The following SV2C variants were observed in gnomAD, a reference collection of about 807,000 sequenced individuals.
The protein encoded by SV2C is solute carrier family 22 member B3.
Under a neutral mutation model 79.7 loss-of-function variants are expected in SV2C, and 49 were observed. That is an observed-to-expected ratio of 0.61 (90% CI 0.49 to 0.78). SV2C has a LOEUF of 0.78. Among genes scored for constraint, SV2C ranks in the 30% least tolerant of loss-of-function variants. The pLI is 0.00. For synonymous variants in SV2C, 334 were observed against 333.2 expected (o/e 1.00, Z -0.03); for missense variants, 833 against 912.9 (o/e 0.91, Z 1.13).
At chr5:75,970,673 C>T in the SV2C span, among the ~76,000 whole-genome samples, 2 of 152,092 alleles carry the variant, frequency 1.3e-5, no homozygotes, top group Non-Finnish European at 2.9e-5. Context: ...GAAATTGAGG[C>T]AATAATTAAT....
chr5:76,303,897 G>A (rs922641926), intron 12 of SV2C, among the ~76,000 whole-genome samples: 3 of 152,186 alleles, frequency 2.0e-5, no homozygotes, highest in Non-Finnish European at 4.4e-5. Context: ...GCAACTCTAA[G>A]CCTGAGCGAA....
chr5:76,181,826 A>C (rs769024718), intron 2 of SV2C, among the ~76,000 whole-genome samples: 5 of 152,220 alleles, frequency 3.3e-5, no homozygotes, highest in African/African-American at 4.8e-5. Flanking sequence ...TTCCTTCCCC[A>C]CGCAGGAACC....
intron 1 of SV2C, among the ~76,000 whole-genome samples, chr5:76,126,802 A>C (rs1456166546): frequency 6.6e-6 from 1 of 152,132 alleles, no homozygotes; most frequent in Non-Finnish European, 1.5e-5. Context: ...CATTTCCACA[A>C]AAACGTGGCA....
chr5:75,920,925 T>A, the SV2C span: 92 of 735,236 alleles, frequency 1.3e-4, no homozygotes, highest in South Asian at 1.1e-3. Context: ...GTCTCGTGGA[T>A]CCTGGCAAAG....
intron 12 of SV2C, among the ~76,000 whole-genome samples, chr5:76,340,920 C>T (rs1580089078): frequency 7.8e-6 from 1 of 128,554 alleles, no homozygotes; most frequent in Non-Finnish European, 1.7e-5. Context: ...CCTAGTTTTA[C>T]AAAATTTTTT....
the SV2C span, among the ~76,000 whole-genome samples, chr5:75,972,099 G>T: frequency 9.2e-5 from 14 of 152,096 alleles, no homozygotes; most frequent in Non-Finnish European, 2.9e-5. Flanking sequence ...TTAATAAATG[G>T]TGCTGGGAAA....
chr5:76,351,675 G>T (rs867725465), intron 12 of SV2C, among the ~76,000 whole-genome samples: 2 of 152,122 alleles, frequency 1.3e-5, no homozygotes, highest in African/African-American at 2.4e-5. Context: ...GCCTCCACTC[G>T]AGCTGCTGTT....
chr5:76,201,744 T>C (rs1381439424), intron 3 of SV2C, among the ~76,000 whole-genome samples: 1 of 152,016 alleles, frequency 6.6e-6, no homozygotes, highest in South Asian at 2.1e-4. Context: ...AGAGGCCGGG[T>C]ACGGTGGCTC....
chr5:76,161,231 T>C (rs1300038668), intron 2 of SV2C, among the ~76,000 whole-genome samples: 3 of 152,130 alleles, frequency 2.0e-5, no homozygotes, highest in Non-Finnish European at 4.4e-5. Context: ...GGATGAGCCT[T>C]GAAAATGTTA....
chr5:75,911,706 A>G, the SV2C span: 1 of 660,170 alleles, frequency 1.5e-6, no homozygotes, highest in Non-Finnish European at 2.9e-6. Flanking sequence ...CAGAGCCTGG[A>G]GAGGCAAAGA....
chr5:75,978,971 G>A, the SV2C span, among the ~76,000 whole-genome samples: 3 of 152,068 alleles, frequency 2.0e-5, no homozygotes, highest in East Asian at 1.9e-4. Flanking sequence ...AACAAAGCAC[G>A]ACCCTGTCTC....
Position 76,339,695 on chromosome 5 carries a change from C to A in SV2C, c.2001-13435C>A, listed in dbSNP as rs144852981. ...TGCCACTGCACTCCAGCCTGGGCGA[C>A]AGAGTGAGACTCTGTCTCAAAAAAA... On this transcript the variant is annotated intron_variant, in intron 12 of 12. Transcript: ENST00000322285. Among the ~76,000 whole-genome samples, 776 of 139,248 alleles carry A rather than the reference C, an allele frequency of 5.6e-3. 7 individuals are homozygous for A. Among genetic ancestry groups the A allele is most frequent in the African/African-American group, 0.02 (732 of 36,910 alleles). The allele number at this position is 139,248 out of a possible 152,430, so 91.4% of individuals were successfully genotyped here.
At chr5:76,298,316 C>A (rs1747845266) in intron 9 of SV2C, among the ~76,000 whole-genome samples, 1 of 151,986 alleles carries the variant, frequency 6.6e-6, no homozygotes. Flanking sequence ...GGTCCCTACA[C>A]TAGAATGAAG....
chr5:76,219,129 T>C (rs533555531), intron 4 of SV2C, among the ~76,000 whole-genome samples: 1 of 152,236 alleles, frequency 6.6e-6, no homozygotes, highest in Non-Finnish European at 1.5e-5. Context: ...GACAGGCAGG[T>C]GACAGGTGGC....
chr5:76,130,483 G>T (rs1289107902), intron 1 of SV2C, among the ~76,000 whole-genome samples: 1 of 152,160 alleles, frequency 6.6e-6, no homozygotes, highest in Non-Finnish European at 1.5e-5. Context: ...TGAAAAAGTA[G>T]AAATGACGAT....
intron 2 of SV2C, among the ~76,000 whole-genome samples, chr5:76,165,540 TTCTCTA>T (rs1391321074): frequency 6.6e-6 from 1 of 152,202 alleles, no homozygotes; most frequent in Non-Finnish European, 1.5e-5. Context: ...AATTAATCTG[TTCTCTA>T]TCTCTATAAT....
chr5:75,974,052 A>T, the SV2C span, among the ~76,000 whole-genome samples: 1 of 152,082 alleles, frequency 6.6e-6, no homozygotes, highest in African/African-American at 2.4e-5. Context: ...TCAACTTATA[A>T]ATTCACTTTT....
chr5:76,301,393 T>A lies in SV2C; in HGVS notation c.1848T>A (p.Ser616=). The change falls in exon 12 of 13, where the codon TCT becomes TCA. Residue 616 remains serine, a synonymous_variant. Coordinates refer to ENST00000502798, the MANE Select transcript of SV2C (RefSeq NM_014979.4). The stretch of plus-strand genomic sequence containing the variant: ...TGTCTGCATTGTTGGCAGGTGGCTC[T>A]ATGGTGCTTTCGGGGATCAGCTGTT... ...RIGRLTMLGG[S]MVLSGISCFF... The A allele has an allele frequency of 6.2e-7, 1 of 1,613,996 alleles. No individual in the cohort carries two copies. The highest frequency in any genetic ancestry group is 1.7e-4 in the Middle Eastern group (1 of 5,962).
intron 2 of SV2C, among the ~76,000 whole-genome samples, chr5:76,183,797 C>A (rs1275956094): frequency 6.6e-6 from 1 of 152,184 alleles, no homozygotes; most frequent in East Asian, 1.9e-4. Flanking sequence ...TCCCTTGGAA[C>A]TTTCCTCCGA....
Sources: allele counts gnomAD v4.1 joint callset (sites outside exome capture counted in the v4.1 genomes callset), GRCh38; gene constraint gnomAD v4.1.1; transcripts MANE v1.5; gene names NCBI Gene and HGNC (gene_info 2026-07-23, HGNC 2026-07-21).